Variants in FAM135A observed in about 807,000 individuals in gnomAD.
FAM135A encodes protein FAM135A.
FAM135A carries 79 observed loss-of-function variants against 146.8 expected under a neutral mutation model. The ratio of observed to expected loss-of-function variants is 0.54; its 90% CI spans 0.45 to 0.65. The LOEUF (loss-of-function observed/expected upper bound fraction) is 0.65, where lower values mean the gene tolerates loss of function less well. Among genes scored for constraint, FAM135A ranks in the 30% least tolerant of loss-of-function variants. The pLI, the probability that FAM135A is intolerant of heterozygous loss-of-function variation, is 0.00. For missense variants in FAM135A, 1,623 were observed against 1,758.2 expected (o/e 0.92, Z 1.38); for synonymous variants, 562 against 603.6 (o/e 0.93, Z 1.01).
chr6:70,498,095 G>A (rs187538637), intron 11 of FAM135A, among the ~76,000 whole-genome samples: 2 of 152,082 alleles, frequency 1.3e-5, no homozygotes, highest in Non-Finnish European at 2.9e-5. Context: ...CTGTGAATCT[G>A]TCTGGTCCTG....
chr6:70,531,658 G>A (rs984405106), intron 16 of FAM135A, among the ~76,000 whole-genome samples: 21 of 152,090 alleles, frequency 1.4e-4, no homozygotes, highest in East Asian at 1.3e-3. Context: ...AATTGATGTG[G>A]GTGGTTTACT....
At chr6:70,430,511 G>A (rs907443999) in intron 4 of FAM135A, among the ~76,000 whole-genome samples, 12 of 152,090 alleles carry the variant, frequency 7.9e-5, no homozygotes, top group African/African-American at 2.7e-4. Flanking sequence ...CTGTCCATAT[G>A]GCTGATAAGT....
intron 12 of FAM135A, among the ~76,000 whole-genome samples, chr6:70,516,080 C>G (rs1233973535): frequency 6.6e-6 from 1 of 152,086 alleles, no homozygotes; most frequent in Non-Finnish European, 1.5e-5. Flanking sequence ...TTGAAAAAGT[C>G]ACTTCATGTA....
chr6:70,542,374 A>G (rs187008109), intron 20 of FAM135A, among the ~76,000 whole-genome samples: 124 of 151,852 alleles, frequency 8.2e-4, no homozygotes, highest in Admixed American at 1.6e-3. Flanking sequence ...GTGTTTTTGT[A>G]TCACCTCATG....
chr6:70,524,190 T>A, intron 14 of FAM135A, 69 bp downstream of exon 14: 1 of 1,449,582 alleles, frequency 6.9e-7, no homozygotes. Context: ...CTAATATACA[T>A]AAAACCATTC....
At chr6:70,534,791 G>A (rs1486897957) in intron 18 of FAM135A, among the ~76,000 whole-genome samples, 1 of 152,168 alleles carries the variant, frequency 6.6e-6, no homozygotes, top group African/African-American at 2.4e-5. Context: ...TAGGTTAGAG[G>A]AAGAAGCTGG....
At chr6:70,546,643 G>A (rs1342930712) in intron 20 of FAM135A, among the ~76,000 whole-genome samples, 1 of 152,084 alleles carries the variant, frequency 6.6e-6, no homozygotes, top group Admixed American at 6.6e-5. Flanking sequence ...TAAATGTATT[G>A]GGTGAGAAAT....
chr6:70,524,694 G>C lies in FAM135A; in HGVS notation c.1610G>C (p.Cys537Ser). The C allele has an allele frequency of 1.3e-6, 2 of 1,550,648 alleles. No homozygotes were observed. Among genetic ancestry groups the C allele is most frequent in the Non-Finnish European group, 1.7e-6 (2 of 1,146,638 alleles). Residue 537 changes from cysteine (C) to serine (S), a missense_variant, in exon 15 of 22, where the codon TGC (cysteine) becomes TCC (serine). By Grantham distance (112) the Cys-to-Ser change is moderately radical. Around this residue, in one of 7 missense-constraint regions of FAM135A, gnomAD observed 1,061 missense variants for 1,113.8 expected, o/e 0.95. Coordinates refer to ENST00000418814, the MANE Select transcript of FAM135A (RefSeq NM_001162529.3). ...ACAGCATCAAATGATCTCATTAAAT[G>C]CTTTGAAGGCAATCCTTCACATAGT... ...KSTASNDLIK[C>S]FEGNPSHSQK...
chr6:70,466,876 A>T (rs1328629945), intron 5 of FAM135A, among the ~76,000 whole-genome samples: 5 of 152,176 alleles, frequency 3.3e-5, no homozygotes, highest in African/African-American at 1.2e-4. Context: ...AGCAGCAGGG[A>T]TGTTAACATA....
chr6:70,429,711 A>G (rs1333458973), intron 4 of FAM135A, among the ~76,000 whole-genome samples: 3 of 152,162 alleles, frequency 2.0e-5, no homozygotes, highest in Non-Finnish European at 4.4e-5. Flanking sequence ...TTTTATCACT[A>G]TTATTACAAT....
intron 4 of FAM135A, among the ~76,000 whole-genome samples, chr6:70,443,142 A>G (rs536043532): frequency 1.3e-5 from 2 of 152,098 alleles, no homozygotes; most frequent in African/African-American, 2.4e-5. Context: ...GGGTTGTGCC[A>G]TTTTTGATCT....
intron 1 of FAM135A, among the ~76,000 whole-genome samples, chr6:70,414,200 G>A (rs144193024): frequency 7.9e-4 from 120 of 152,146 alleles, no homozygotes; most frequent in African/African-American, 2.9e-3. Context: ...CCTTACCCTG[G>A]CCGACCAGGT....
intron 12 of FAM135A, among the ~76,000 whole-genome samples, chr6:70,513,755 A>G (rs976725637): frequency 1.3e-5 from 2 of 152,072 alleles, no homozygotes; most frequent in Non-Finnish European, 2.9e-5. Context: ...ATAAATCTCA[A>G]TCAGCTCAAG....
intron 16 of FAM135A, 53 bp downstream of exon 16, chr6:70,528,505 AATAG>A (rs1795160230): frequency 3.8e-5 from 52 of 1,381,012 alleles, no homozygotes; most frequent in South Asian, 6.5e-5. Context: ...TTTTTTTCCT[AATAG>A]ATCTCATTTA....
chr6:70,536,184 T>G, intron 18 of FAM135A, 76 bp from the exon 19 acceptor site: 1 of 1,404,638 alleles, frequency 7.1e-7, no homozygotes, highest in Non-Finnish European at 9.6e-7. Context: ...TCACATCCAT[T>G]TTATAGTGGA....
At chr6:70,558,451 T>C (rs990443777) in intron 21 of FAM135A, among the ~76,000 whole-genome samples, 10 of 152,256 alleles carry the variant, frequency 6.6e-5, no homozygotes, top group Non-Finnish European at 1.5e-4. Context: ...TACATTTATG[T>C]GGATGTATTC....
intron 4 of FAM135A, among the ~76,000 whole-genome samples, chr6:70,441,916 C>T (rs540013043): frequency 3.9e-5 from 6 of 152,190 alleles, no homozygotes; most frequent in African/African-American, 1.4e-4. Context: ...TACTCCTGAC[C>T]TCGTGATCCA....
At position 70,481,980 on chromosome 6, in the gene FAM135A, C is replaced by T. The variant is rs1471343330; in HGVS notation, c.670-21C>T. 5 of 1,604,910 alleles carry T rather than the reference C, an allele frequency of 3.1e-6. No homozygotes were observed. In the African/African-American group the frequency reaches 4.0e-5, roughly 13 times the overall value. ...TTTTGTATTACTGACACTCTGTATCCTACATCTGTTTTTTGTTTAGGGTTG... is the reference window on the plus strand; with the variant it reads ...TTTTGTATTACTGACACTCTGTATCTTACATCTGTTTTTTGTTTAGGGTTG... On this transcript the variant is annotated intron_variant, in intron 9 of 21. Coordinates refer to ENST00000418814, the MANE Select transcript of FAM135A (RefSeq NM_001162529.3).
chr6:70,494,226 T>TCATCTTTTTTTGTTTTCC (rs1448307124), intron 11 of FAM135A, among the ~76,000 whole-genome samples: 1 of 152,142 alleles, frequency 6.6e-6, no homozygotes, highest in Non-Finnish European at 1.5e-5. Context: ...TGAACTTTTT[T>TCATCTTTTTTTGTTTTCC]CATCTTTTTT....
Sources: gnomAD v4.1 joint callset for allele counts (sites outside exome capture counted in the v4.1 genomes callset) on GRCh38, gnomAD v4.1.1 for gene constraint, gnomAD v4.1.1 regional missense constraint, MANE v1.5 for transcripts, NCBI Gene and HGNC (gene_info 2026-07-23, HGNC 2026-07-21) for gene names.